PRR14L: variants seen among roughly 807,000 people sequenced by gnomAD.
PRR14L encodes the protein protein PRR14L.
In PRR14L, 80 loss-of-function variants were observed where a neutral mutation model predicts 155.0. That is an observed-to-expected ratio of 0.52 (90% confidence interval 0.43 to 0.62). PRR14L has a LOEUF of 0.62. Ranked by LOEUF, PRR14L falls within the 20% of genes least tolerant of loss-of-function variation. PRR14L has a pLI of 0.00. For missense variants in PRR14L, 2,469 were observed against 2,548.0 expected (o/e 0.97, Z 0.67); for synonymous variants, 883 against 916.0 (o/e 0.96, Z 0.65).
At position 31,732,778 on chromosome 22, in the gene PRR14L, C is replaced by T. The variant is rs577536410; in HGVS notation, c.474+5609G>A. 1.3e-4 allele frequency among the ~76,000 whole-genome samples: 20 copies of T among 152,286 alleles called. No homozygotes were observed. The South Asian group carries it at 3.1e-3, about 24-fold the overall frequency. On this transcript the variant is annotated intron_variant, in intron 2 of 8. Transcript: ENST00000327423. ...CTGCTGGTTTTGGGGACCCCTGACA[C>T]ACCTGGAAATCACTCCATATCAGTA...
In PRR14L at chr22:31,716,430, A is replaced by T. The variant is rs2074660079; in HGVS notation, c.1409T>A (p.Val470Glu). The change falls in exon 4 of 9, where the codon GTA (valine) becomes GAA (glutamate). Residue 470 changes from valine to glutamate, a missense_variant. By Grantham distance (121) the Val-to-Glu change is moderately radical (BLOSUM62 -2). This residue lies in a region of PRR14L where 2,363 missense variants were observed against 2,371.6 expected (regional missense o/e 1.00). Transcript: ENST00000327423. Reference protein sequence around the residue: ...MPNSFTEATEVMLNKNDLKIT... With the variant: ...MPNSFTEATEEMLNKNDLKIT... Reference sequence around the variant, plus strand: ...TTTCAAATCATTTTTATTTAACATTACTTCTGTGGCTTCAGTAAAAGAATT... The same window carrying T: ...TTTCAAATCATTTTTATTTAACATTTCTTCTGTGGCTTCAGTAAAAGAATT... 1 of 1,551,208 alleles carries T rather than the reference A, an allele frequency of 6.4e-7. No homozygotes were observed. The highest frequency in any genetic ancestry group is 1.2e-5 in the South Asian group (1 of 83,838).
At position 31,682,880 on chromosome 22, in the gene PRR14L, G is replaced by T. The variant is rs1292810971; in HGVS notation, c.*2647C>A. On this transcript the variant is annotated 3_prime_UTR_variant, in exon 9 of 9. Coordinates refer to ENST00000327423, the MANE Select transcript of PRR14L (RefSeq NM_173566.3). ...TGTCCCATCGTGGTTAGGGACCACG[G>T]GCCTGGGGACCCCTGACAACACTGC... The T allele has an allele frequency of 6.6e-6, 1 of 152,232 alleles. No homozygotes were observed. Among genetic ancestry groups the T allele is most frequent in the Non-Finnish European group, 1.5e-5 (1 of 68,086 alleles). 9.4% of individuals were successfully genotyped at this position (152,232 alleles called of 1,614,324 possible).
chr22:31,728,276 T>G (rs1191691309), intron 2 of PRR14L, among the ~76,000 whole-genome samples: 1 of 152,128 alleles, frequency 6.6e-6, no homozygotes, highest in Non-Finnish European at 1.5e-5. Flanking sequence ...TTTTCTACAA[T>G]ATTTTATCAG....
chr22:31,715,546 C>T lies in PRR14L; in HGVS notation c.2293G>A (p.Ala765Thr). ...GAGACCACTTGAGGAAAGCCAGCTGCTTCTCTCTTATTTGAGCGCAGCCTG... is the reference window on the plus strand; with the variant it reads ...GAGACCACTTGAGGAAAGCCAGCTGTTTCTCTCTTATTTGAGCGCAGCCTG... ...HSRLRSNKREAAGFPQVVSVI... is the reference protein window; with the variant it reads ...HSRLRSNKRETAGFPQVVSVI... The change falls in exon 4 of 9, where the codon GCA becomes ACA. Residue 765 changes from alanine (A) to threonine (T), a missense_variant. Ala to Thr is a moderately conservative substitution (Grantham distance 58). This residue lies in a region of PRR14L where 2,363 missense variants were observed against 2,371.6 expected (regional missense o/e 1.00). Transcript: ENST00000327423. 1 of 1,552,092 alleles carries T rather than the reference C, an allele frequency of 6.4e-7. No homozygotes were observed. The highest frequency in any genetic ancestry group is 8.7e-7 in the Non-Finnish European group (1 of 1,147,064).
intron 7 of PRR14L, among the ~76,000 whole-genome samples, chr22:31,692,295 T>C (rs1214831393): frequency 6.6e-6 from 1 of 152,206 alleles, no homozygotes; most frequent in Non-Finnish European, 1.5e-5. Context: ...GAGATGTGTA[T>C]AAGGGTTTGA....
At chr22:31,718,543 C>T (rs2074672919) in intron 3 of PRR14L, among the ~76,000 whole-genome samples, 2 of 147,928 alleles carry the variant, frequency 1.4e-5, no homozygotes, top group Admixed American at 1.3e-4. Flanking sequence ...CGTGAGCCAC[C>T]ACGCCCGGCC....
At chr22:31,718,456 C>T (rs1355929514) in intron 3 of PRR14L, among the ~76,000 whole-genome samples, 2 of 151,490 alleles carry the variant, frequency 1.3e-5, no homozygotes, top group African/African-American at 4.8e-5. Context: ...GACAGGGTTT[C>T]ACCATGTTAG....
At position 31,738,647 on chromosome 22, in the gene PRR14L, C is replaced by G. The variant is rs563979720; in HGVS notation, c.214G>C (p.Val72Leu). The change falls in exon 2 of 9, where the codon GTG (valine) becomes CTG (leucine). Residue 72 changes from valine to leucine, a missense_variant. Val to Leu is a conservative substitution (Grantham distance 32). Coordinates refer to ENST00000327423, the MANE Select transcript of PRR14L (RefSeq NM_173566.3). ...ALPLELQRTH[V>L]ESCCEETYET... ...TAGGTTTCTTCACAACAACTCTCCA[C>G]ATGAGTCCTCTGCAGCTCCAAGGGC... 2 of 1,552,134 alleles carry G rather than the reference C, an allele frequency of 1.3e-6. No homozygotes were observed. The highest frequency in any genetic ancestry group is 1.2e-5 in the South Asian group (1 of 84,060).
At chr22:31,710,399 C>G (rs2074614441) in intron 4 of PRR14L, among the ~76,000 whole-genome samples, 1 of 151,872 alleles carries the variant, frequency 6.6e-6, no homozygotes, top group Non-Finnish European at 1.5e-5. Flanking sequence ...ATTTTGTTTA[C>G]TTAAATAATT....
At chr22:31,731,763 T>C (rs2074751529) in intron 2 of PRR14L, among the ~76,000 whole-genome samples, 1 of 152,110 alleles carries the variant, frequency 6.6e-6, no homozygotes, top group Non-Finnish European at 1.5e-5. Context: ...GGCTAAGTCC[T>C]ACCCCTGTGA....
intron 2 of PRR14L, among the ~76,000 whole-genome samples, chr22:31,733,934 A>AACAC (rs148181629): frequency 6.7e-6 from 1 of 150,292 alleles, no homozygotes; most frequent in East Asian, 1.9e-4. Flanking sequence ...ACACCACACA[A>AACAC]ACACACACAC....
At chr22:31,711,626 T>C (rs1357592046) in intron 4 of PRR14L, among the ~76,000 whole-genome samples, 1 of 148,070 alleles carries the variant, frequency 6.8e-6, no homozygotes. Flanking sequence ...TACTAAAAAA[T>C]ACAAAAACTT....
At chr22:31,705,186 G>A (rs1032900603) in intron 4 of PRR14L, among the ~76,000 whole-genome samples, 3 of 152,020 alleles carry the variant, frequency 2.0e-5, no homozygotes, top group East Asian at 1.9e-4. Flanking sequence ...GCTTGAGCCC[G>A]GAAGATCAAG....
At chr22:31,706,473 G>A (rs2074592865) in intron 4 of PRR14L, among the ~76,000 whole-genome samples, 1 of 141,448 alleles carries the variant, frequency 7.1e-6, no homozygotes, top group South Asian at 2.2e-4. Flanking sequence ...CACCCAGGCT[G>A]GAGTGCAGTG....
intron 3 of PRR14L, among the ~76,000 whole-genome samples, chr22:31,717,995 T>A (rs528213417): frequency 6.6e-6 from 1 of 150,808 alleles, no homozygotes; most frequent in Non-Finnish European, 1.5e-5. Context: ...TGGCACGATA[T>A]TGGCTCACTG....
chr22:31,720,214 C>T (rs936466744), intron 3 of PRR14L, among the ~76,000 whole-genome samples: 2 of 151,972 alleles, frequency 1.3e-5, no homozygotes, highest in African/African-American at 4.8e-5. Context: ...TTTTACTGGA[C>T]CTGAGAACAG....
At position 31,715,318 on chromosome 22, in the gene PRR14L, A is replaced by T. The variant is rs1461406035; in HGVS notation, c.2521T>A (p.Ser841Thr). 4.5e-6 allele frequency: 7 copies of T among 1,551,952 alleles called. No homozygotes were observed. In the East Asian group the frequency reaches 1.7e-4, roughly 38 times the overall value. ...ACTTTACAGCTGCTTTTTTCCACAGAGTGTCCTGTTCCTTGGCAGCAGTGA... is the reference window on the plus strand; with the variant it reads ...ACTTTACAGCTGCTTTTTTCCACAGTGTGTCCTGTTCCTTGGCAGCAGTGA... ...RDHCCQGTGHSVEKSSCKVSY... is the reference protein window; with the variant it reads ...RDHCCQGTGHTVEKSSCKVSY... The change falls in exon 4 of 9, where the codon TCT becomes ACT. Residue 841 changes from serine (S) to threonine (T), a missense_variant. Coordinates refer to ENST00000327423, the MANE Select transcript of PRR14L (RefSeq NM_173566.3).
At chr22:31,737,031 C>CAAAAA (rs10589286) in intron 2 of PRR14L, among the ~76,000 whole-genome samples, 11 of 49,852 alleles carry the variant, frequency 2.2e-4, no homozygotes, top group African/African-American at 7.4e-4. Context: ...GTGAGAGACT[C>CAAAAA]AAAAAAAAAA....
In PRR14L at chr22:31,716,287, T is replaced by C; in HGVS notation, c.1552A>G (p.Ile518Val). The change falls in exon 4 of 9, where the codon ATT (isoleucine) becomes GTT (valine). Residue 518 changes from isoleucine to valine, a missense_variant. This residue lies in a region of PRR14L where 2,363 missense variants were observed against 2,371.6 expected (regional missense o/e 1.00). Transcript: ENST00000327423. The stretch of plus-strand genomic sequence containing the variant: ...GGGGTTGTCTGTCCTGCCTCTTCAA[T>C]CTGCATCAAGGAGGAAAAACTGCTT... ...EESSFSSLMQIEEAGQTTPVE... is the reference protein window; with the variant it reads ...EESSFSSLMQVEEAGQTTPVE... 1.3e-6 allele frequency: 2 copies of C among 1,551,690 alleles called. No homozygotes were observed. The highest frequency in any genetic ancestry group is 1.2e-5 in the South Asian group (1 of 84,062).
Sources: allele counts gnomAD v4.1 joint callset (sites outside exome capture counted in the v4.1 genomes callset), GRCh38; gene constraint gnomAD v4.1.1; regional missense constraint gnomAD v4.1.1; transcripts MANE v1.5; gene names NCBI Gene and HGNC (gene_info 2026-07-23, HGNC 2026-07-21).